The following BCAS3 variants were observed in gnomAD, a reference collection of about 807,000 sequenced individuals.
BCAS3 encodes BCAS4/BCAS3 fusion.
BCAS3 carries 53 observed loss-of-function variants against 116.1 expected under a neutral mutation model. The ratio of observed to expected loss-of-function variants is 0.46; its 90% CI spans 0.37 to 0.57. The LOEUF (loss-of-function observed/expected upper bound fraction) is 0.57. Among genes scored for constraint, BCAS3 ranks in the 20% least tolerant of loss-of-function variants. The probability of loss-of-function intolerance (pLI) is 0.00; values close to 1 mark genes in which losing one functional copy is unlikely to be tolerated. For synonymous variants in BCAS3, 391 were observed against 408.2 expected (o/e 0.96, Z 0.51); for missense variants, 917 against 1,165.4 (o/e 0.79, Z 3.10).
At chr17:61,246,790 AGAGT>A (rs2047994822) in intron 22 of BCAS3, among the ~76,000 whole-genome samples, 3 of 88,380 alleles carry the variant, frequency 3.4e-5, no homozygotes, top group Admixed American at 1.4e-4. Context: ...CCTTTGAGTG[AGAGT>A]GTGTGTGTGT....
intron 15 of BCAS3, among the ~76,000 whole-genome samples, chr17:61,001,153 T>C (rs1183260675): frequency 1.3e-5 from 2 of 152,162 alleles, no homozygotes; most frequent in African/African-American, 2.4e-5. Flanking sequence ...ATCTGAATTC[T>C]AGATTCTGCT....
chr17:60,809,147 G>A (rs1282666079), intron 7 of BCAS3, among the ~76,000 whole-genome samples: 1 of 151,878 alleles, frequency 6.6e-6, no homozygotes, highest in Non-Finnish European at 1.5e-5. Context: ...AGCCCAGTGT[G>A]GTGGCATGTG....
chr17:61,030,990 G>A (rs145460962), intron 16 of BCAS3, among the ~76,000 whole-genome samples: 31 of 151,904 alleles, frequency 2.0e-4, no homozygotes, highest in African/African-American at 7.2e-4. Context: ...AATCAATACA[G>A]TTAAACTTTT....
At chr17:61,194,614 A>G (rs1001129192) in intron 22 of BCAS3, among the ~76,000 whole-genome samples, 2 of 151,798 alleles carry the variant, frequency 1.3e-5, no homozygotes, top group Admixed American at 1.3e-4. Context: ...GTGGTGGGCA[A>G]CTGTAATCCC....
intron 18 of BCAS3, among the ~76,000 whole-genome samples, chr17:61,039,560 C>CTACAG (rs2067336657): frequency 6.6e-6 from 1 of 151,988 alleles, no homozygotes; most frequent in Admixed American, 6.6e-5. Flanking sequence ...GTAGCTGGGA[C>CTACAG]TACAGGCACT....
intron 19 of BCAS3, among the ~76,000 whole-genome samples, chr17:61,057,701 C>A (rs1204242702): frequency 6.6e-6 from 1 of 151,544 alleles, no homozygotes; most frequent in Non-Finnish European, 1.5e-5. Flanking sequence ...TTTTATGTAG[C>A]AACAGGATTT....
Position 61,156,125 on chromosome 17 carries a change from A to G in BCAS3, c.2425+71561A>G, listed in dbSNP as rs2077819947. ...GCAAATAATTTACTCGGTATGCACCACAAACAAACGCAGAGAGACAGAGAA... is the reference window on the plus strand; with the variant it reads ...GCAAATAATTTACTCGGTATGCACCGCAAACAAACGCAGAGAGACAGAGAA... On this transcript the variant is annotated intron_variant, in intron 22 of 23. Transcript: ENST00000407086. The surrounding 1 kb of genome is among the most constrained non-coding windows in gnomAD (Gnocchi z 4.7). Among the ~76,000 whole-genome samples the G allele has an allele frequency of 6.6e-6, 1 of 151,998 alleles. No homozygotes were observed. Among genetic ancestry groups the G allele is most frequent in the Non-Finnish European group, 1.5e-5 (1 of 68,020 alleles).
At position 61,326,780 on chromosome 17, in the gene BCAS3, T is replaced by C. The variant is rs981473208; in HGVS notation, c.2426-41547T>C. On this transcript the variant is annotated intron_variant, in intron 22 of 23. Transcript: ENST00000407086. This position sits in a 1 kb window ranked among gnomAD's most constrained non-coding sequence, Gnocchi z 5.3. ...AAGATGTTAAATCTACAGTCAGATC[T>C]ATGGGTCTTCAGCACAGAAGAGGTG... 6.6e-6 allele frequency among the ~76,000 whole-genome samples: 1 copy of C among 152,148 alleles called. No homozygotes were observed. Among genetic ancestry groups the C allele is most frequent in the Non-Finnish European group, 1.5e-5 (1 of 68,036 alleles).
At chr17:61,129,345 A>G (rs2143857158) in intron 22 of BCAS3, among the ~76,000 whole-genome samples, 1 of 152,356 alleles carries the variant, frequency 6.6e-6, no homozygotes, top group South Asian at 2.1e-4. Context: ...CATTTTTAAC[A>G]TGATTGTTAG....
intron 11 of BCAS3, among the ~76,000 whole-genome samples, chr17:60,906,746 T>G (rs1312013431): frequency 6.6e-6 from 1 of 152,182 alleles, no homozygotes; most frequent in African/African-American, 2.4e-5. Context: ...CCCCAACCTG[T>G]CATTATTGAA....
At chr17:60,767,389 G>C (rs925865347) in intron 6 of BCAS3, among the ~76,000 whole-genome samples, 2 of 138,052 alleles carry the variant, frequency 1.4e-5, no homozygotes, top group Non-Finnish European at 3.0e-5. Context: ...CTGTCACCCA[G>C]GCTGGAGTGC....
Position 61,380,485 on chromosome 17 carries a change from A to C in BCAS3, c.2594-11492A>C. 1 of 1,592,366 alleles carries C rather than the reference A, an allele frequency of 6.3e-7. No individual in the cohort carries two copies. Among genetic ancestry groups the C allele is most frequent in the Non-Finnish European group, 8.5e-7 (1 of 1,174,650 alleles). Reference sequence around the variant, plus strand: ...TCCAGTTTGTGATCCGCTTTAAAGGAATATTTTATTTTCAATACAGACACA... The same window carrying C: ...TCCAGTTTGTGATCCGCTTTAAAGGCATATTTTATTTTCAATACAGACACA... On this transcript the variant is annotated intron_variant, in intron 23 of 23. Transcript: ENST00000407086. The surrounding 1 kb of genome is among the most constrained non-coding windows in gnomAD (Gnocchi z 4.2).
intron 6 of BCAS3, among the ~76,000 whole-genome samples, chr17:60,807,589 C>G (rs562475295): frequency 6.6e-6 from 1 of 152,190 alleles, no homozygotes; most frequent in African/African-American, 2.4e-5. Flanking sequence ...TGAGACCAGG[C>G]TGACCAACAT....
At chr17:60,906,888 C>T (rs570430169) in intron 11 of BCAS3, among the ~76,000 whole-genome samples, 1 of 152,258 alleles carries the variant, frequency 6.6e-6, no homozygotes, top group East Asian at 1.9e-4. Context: ...AGTAATTTTA[C>T]AGTTACTTTA....
chr17:60,966,190 C>A (rs529157792), intron 14 of BCAS3, among the ~76,000 whole-genome samples: 2 of 152,298 alleles, frequency 1.3e-5, no homozygotes, highest in Admixed American at 1.3e-4. Flanking sequence ...TCTTTTCTCA[C>A]CCCTTCACTT....
Position 61,144,998 on chromosome 17 carries a change from A to C in BCAS3, c.2425+60434A>C, listed in dbSNP as rs1168489876. Among the ~76,000 whole-genome samples, 1 of 152,246 alleles carries C rather than the reference A, an allele frequency of 6.6e-6. No individual in the cohort carries two copies. Among genetic ancestry groups the C allele is most frequent in the African/African-American group, 2.4e-5 (1 of 41,466 alleles). On this transcript the variant is annotated intron_variant, in intron 22 of 23. Coordinates refer to ENST00000407086, the MANE Select transcript of BCAS3 (RefSeq NM_017679.5). The surrounding 1 kb of genome is among the most constrained non-coding windows in gnomAD (Gnocchi z 5.0). ...TTTTCTTTCTGTTTCCTTATCAGAA[A>C]TATTCATTTAGACCATAACAACTGT...
At chr17:61,255,505 C>T (rs1157104791) in intron 22 of BCAS3, among the ~76,000 whole-genome samples, 1 of 152,198 alleles carries the variant, frequency 6.6e-6, no homozygotes, top group Non-Finnish European at 1.5e-5. Flanking sequence ...TTTTGTAGCG[C>T]ATCAATACCC....
At chr17:61,322,760 T>C (rs2055322839) in intron 22 of BCAS3, among the ~76,000 whole-genome samples, 2 of 149,688 alleles carry the variant, frequency 1.3e-5, no homozygotes, top group Non-Finnish European at 3.0e-5. Context: ...CTCATTGGTG[T>C]TGATATTTTT....
In BCAS3 at chr17:60,927,264, G is replaced by GT. The variant is rs1479322876; in HGVS notation, c.1087+2774dup. On this transcript the variant is annotated intron_variant, in intron 13 of 23. Transcript: ENST00000407086. ...TTCTTTCTTTTTTTGTTTTTTGTTTGTTTTTTTTTTGAGACAGGGTCTCGC... is the reference window on the plus strand; with the variant it reads ...TTCTTTCTTTTTTTGTTTTTTGTTTGTTTTTTTTTTTGAGACAGGGTCTCGC... Among the ~76,000 whole-genome samples, 314 of 144,736 alleles carry GT rather than the reference G, an allele frequency of 2.2e-3. 1 individual carries two copies. The highest frequency in any genetic ancestry group is 0.011 in the East Asian group (57 of 4,978). The allele number at this position is 144,736 out of a possible 152,430, so 95.0% of individuals were successfully genotyped here.
Sources: allele counts gnomAD v4.1 joint callset (sites outside exome capture counted in the v4.1 genomes callset), GRCh38; gene constraint gnomAD v4.1.1; non-coding constraint Gnocchi (gnomAD v3.1); transcripts MANE v1.5; gene names NCBI Gene and HGNC (gene_info 2026-07-23, HGNC 2026-07-21).